PDE7A: variants seen among roughly 807,000 people sequenced by gnomAD.
PDE7A encodes the protein high affinity 3',5'-cyclic-AMP phosphodiesterase 7A.
PDE7A carries 39 observed loss-of-function variants against 64.3 expected under a neutral mutation model. That is an observed-to-expected ratio of 0.61 (90% CI 0.47 to 0.79). The LOEUF (loss-of-function observed/expected upper bound fraction) is 0.79. Among genes scored for constraint, PDE7A ranks in the 30% least tolerant of loss-of-function variants. The pLI is 0.00. For missense variants in PDE7A, 470 were observed against 582.8 expected, an observed-to-expected ratio of 0.81 and a Z score of 1.99; for synonymous variants, 203 against 206.8, an observed-to-expected ratio of 0.98 and a Z score of 0.16.
At chr8:65,828,834 T>C (rs906373528) in intron 1 of PDE7A, among the ~76,000 whole-genome samples, 1 of 152,114 alleles carries the variant, frequency 6.6e-6, no homozygotes, top group Non-Finnish European at 1.5e-5. Flanking sequence ...ATTTCCTTTA[T>C]TACTAGATAA....
intron 3 of PDE7A, among the ~76,000 whole-genome samples, chr8:65,757,476 G>A (rs1295435345): frequency 6.6e-6 from 1 of 152,142 alleles, no homozygotes; most frequent in Non-Finnish European, 1.5e-5. Context: ...CAGGTTTGTA[G>A]GGTTTTTTTA....
At chr8:65,817,982 G>A (rs961030294) in intron 1 of PDE7A, among the ~76,000 whole-genome samples, 2 of 152,034 alleles carry the variant, frequency 1.3e-5, no homozygotes, top group African/African-American at 4.8e-5. Context: ...TCAATCTCCT[G>A]ACCTCGTGAT....
intron 1 of PDE7A, among the ~76,000 whole-genome samples, chr8:65,839,646 G>A (rs922839217): frequency 6.6e-6 from 1 of 152,148 alleles, no homozygotes; most frequent in Admixed American, 6.5e-5. Context: ...AAAGTTGTAA[G>A]GGTTAGCAAA....
intron 3 of PDE7A, among the ~76,000 whole-genome samples, chr8:65,750,645 T>C (rs1033596068): frequency 6.6e-6 from 1 of 152,154 alleles, no homozygotes; most frequent in African/African-American, 2.4e-5. Flanking sequence ...TCTGTCACCA[T>C]GGTAGGATAC....
intron 1 of PDE7A, among the ~76,000 whole-genome samples, chr8:65,802,533 T>C (rs772800754): frequency 2.0e-5 from 3 of 152,068 alleles, no homozygotes; most frequent in Non-Finnish European, 4.4e-5. Flanking sequence ...AACTACGGAG[T>C]CTTCATACAA....
intron 1 of PDE7A, chr8:65,788,959 C>T (rs376577253): frequency 4.8e-5 from 77 of 1,610,374 alleles, no homozygotes; most frequent in African/African-American, 3.2e-4. Flanking sequence ...ATCAAAAGCC[C>T]GCTGCATAAT....
rs1806151615 is a variant in PDE7A at position 65,716,536 on chromosome 8, T to G, written c.*2754A>C. Among the ~76,000 whole-genome samples the G allele has an allele frequency of 6.6e-6, 1 of 152,320 alleles. No individual in the cohort carries two copies. Among genetic ancestry groups the G allele is most frequent in the East Asian group, 1.9e-4 (1 of 5,188 alleles). ...AATATCACAGAAGACATGGGTCTTC[T>G]GTGCACCCAAAGGGACATGGGTGCA... is the stretch of plus-strand genomic sequence containing the variant. On this transcript the variant is annotated 3_prime_UTR_variant, in exon 13 of 13. Transcript: ENST00000401827.
chr8:65,829,926 T>C (rs955282651), intron 1 of PDE7A, among the ~76,000 whole-genome samples: 8 of 152,150 alleles, frequency 5.3e-5, no homozygotes, highest in Admixed American at 4.6e-4. Context: ...TTGGGTCATG[T>C]ATACCCCTGG....
chr8:65,796,903 G>A (rs80355422), intron 1 of PDE7A, among the ~76,000 whole-genome samples: 8,690 of 152,150 alleles, frequency 0.057, 358 homozygotes, highest in Middle Eastern at 0.11. Flanking sequence ...TGTCTTTTGT[G>A]CAGACAACAT....
Position 65,719,247 on chromosome 8 carries a change from C to G in PDE7A, c.*43G>C, listed in dbSNP as rs781263385. 8 of 1,427,316 alleles carry G rather than the reference C, an allele frequency of 5.6e-6. No homozygotes were observed. The highest frequency in any genetic ancestry group is 1.1e-5 in the South Asian group (1 of 87,250). The allele number at this position is 1,427,316 out of a possible 1,614,324, so 88.4% of individuals were successfully genotyped here. Reference sequence around the variant, plus strand: ...CACCTCAAGACCCCATTTCACATTTCTAAAAACCTCCAGGAGGCAGTTTGT... The same window carrying G: ...CACCTCAAGACCCCATTTCACATTTGTAAAAACCTCCAGGAGGCAGTTTGT... On this transcript the variant is annotated 3_prime_UTR_variant, in exon 13 of 13. Transcript: ENST00000401827.
At chr8:65,737,097 G>C (rs1225195309) in intron 6 of PDE7A, among the ~76,000 whole-genome samples, 1 of 152,040 alleles carries the variant, frequency 6.6e-6, no homozygotes, top group East Asian at 2.0e-4. Flanking sequence ...AATATAGTGA[G>C]ACCCTGTCTC....
At chr8:65,813,743 AAAG>A (rs1490714228) in intron 1 of PDE7A, among the ~76,000 whole-genome samples, 2 of 152,176 alleles carry the variant, frequency 1.3e-5, no homozygotes, top group Non-Finnish European at 2.9e-5. Flanking sequence ...GGACAATTAC[AAAG>A]AAGATATTCT....
chr8:65,792,834 A>C (rs1305242117), intron 1 of PDE7A, among the ~76,000 whole-genome samples: 2 of 152,168 alleles, frequency 1.3e-5, no homozygotes, highest in East Asian at 1.9e-4. Context: ...AAACTAAGAA[A>C]AAAGCTTCCA....
chr8:65,769,696 C>G (rs992899653), intron 3 of PDE7A, among the ~76,000 whole-genome samples: 1 of 151,944 alleles, frequency 6.6e-6, no homozygotes, highest in Admixed American at 6.6e-5. Flanking sequence ...AGGAGTTTGA[C>G]ACCAGCCTGG....
intron 1 of PDE7A, chr8:65,788,965 A>G: frequency 6.2e-7 from 1 of 1,610,740 alleles, no homozygotes; most frequent in South Asian, 1.1e-5. Flanking sequence ...AGCCCGCTGC[A>G]TAATCTCTCT....
intron 5 of PDE7A, 62 bp downstream of exon 5, chr8:65,745,345 C>T: frequency 1.1e-6 from 1 of 935,106 alleles, no homozygotes; most frequent in Admixed American, 1.7e-5. Flanking sequence ...GCACCAGCGG[C>T]TGCACCATCA....
chr8:65,831,376 A>G (rs1457188595), intron 1 of PDE7A, among the ~76,000 whole-genome samples: 2 of 152,108 alleles, frequency 1.3e-5, no homozygotes, highest in East Asian at 3.8e-4. Flanking sequence ...TTTTGTTCCT[A>G]GCTTCACAAT....
intron 1 of PDE7A, among the ~76,000 whole-genome samples, chr8:65,837,857 A>G (rs912375734): frequency 6.6e-6 from 1 of 152,204 alleles, no homozygotes; most frequent in African/African-American, 2.4e-5. Context: ...ACAGCAACAA[A>G]TAATAGCAGG....
chr8:65,821,909 C>T (rs1005925389), intron 1 of PDE7A, among the ~76,000 whole-genome samples: 1 of 152,212 alleles, frequency 6.6e-6, no homozygotes, highest in African/African-American at 2.4e-5. Context: ...TAAAATTACA[C>T]ATGTGGCTCA....
Sources: gnomAD v4.1 joint callset for allele counts (sites outside exome capture counted in the v4.1 genomes callset) on GRCh38, gnomAD v4.1.1 for gene constraint, MANE v1.5 for transcripts, NCBI Gene and HGNC (gene_info 2026-07-23, HGNC 2026-07-21) for gene names.